Variants in NRXN3 observed in about 807,000 individuals in gnomAD.
NRXN3 encodes the protein neurexin III.
In NRXN3, 32 loss-of-function variants were observed where a neutral mutation model predicts 137.6. The ratio of observed to expected loss-of-function variants is 0.23; its 90% CI spans 0.18 to 0.31. The LOEUF (loss-of-function observed/expected upper bound fraction) is 0.31. Ranked by LOEUF, NRXN3 falls within the 10% of genes least tolerant of loss-of-function variation. The pLI, the probability that NRXN3 is intolerant of heterozygous loss-of-function variation, is 1.00. For synonymous variants in NRXN3, 798 were observed against 784.5 expected, an observed-to-expected ratio of 1.02 and a Z score of -0.29; for missense variants, 1,574 against 2,062.5, an observed-to-expected ratio of 0.76 and a Z score of 4.59.
chr14:79,199,765 G>C (rs111580021), intron 15 of NRXN3, among the ~76,000 whole-genome samples: 1 of 152,154 alleles, frequency 6.6e-6, no homozygotes, highest in South Asian at 2.1e-4. Context: ...TTGGGGCCCA[G>C]CTTGAGCAAA....
chr14:78,215,232 A>T (rs767740190), intron 1 of NRXN3, among the ~76,000 whole-genome samples: 5 of 152,084 alleles, frequency 3.3e-5, no homozygotes, highest in Non-Finnish European at 5.9e-5. Flanking sequence ...TGTAGATGAG[A>T]TCTTTTTATG....
chr14:78,852,112 T>C (rs188921795), intron 10 of NRXN3, among the ~76,000 whole-genome samples: 387 of 152,274 alleles, frequency 2.5e-3, no homozygotes, highest in Non-Finnish European at 4.3e-3. Context: ...ATGAACTATT[T>C]TAGTGAATAT....
intron 15 of NRXN3, among the ~76,000 whole-genome samples, chr14:79,306,859 G>A (rs1410169008): frequency 6.6e-6 from 1 of 152,046 alleles, no homozygotes; most frequent in Non-Finnish European, 1.5e-5. Context: ...GGGCGATTGT[G>A]GTTGATGAAC....
intron 19 of NRXN3, among the ~76,000 whole-genome samples, chr14:79,763,649 G>C (rs1176404495): frequency 3.6e-5 from 2 of 55,996 alleles, no homozygotes; most frequent in Non-Finnish European, 6.2e-5. Flanking sequence ...TGTGATGTCT[G>C]GTGAGAGCTT....
chr14:79,009,767 T>C (rs1326343496), intron 15 of NRXN3, among the ~76,000 whole-genome samples: 1 of 152,216 alleles, frequency 6.6e-6, no homozygotes, highest in Non-Finnish European at 1.5e-5. Flanking sequence ...CATTTTCTCC[T>C]CTATGAATAA....
Position 79,861,343 on chromosome 14 carries a change from T to TA in NRXN3, c.4097dup (p.Ser1367GlufsTer24), listed in dbSNP as rs755709938. 4.6e-6 allele frequency: 7 copies of TA among 1,535,940 alleles called. No individual in the cohort carries two copies. Among genetic ancestry groups the TA allele is most frequent in the Non-Finnish European group, 6.1e-6 (7 of 1,146,904 alleles). On this transcript the variant is annotated frameshift_variant and splice_region_variant, in exon 21 of 21. Coordinates refer to ENST00000335750, the MANE Select transcript of NRXN3 (RefSeq NM_001330195.2). LOFTEE classifies it high-confidence loss of function. This position sits in a 1 kb window ranked among gnomAD's most constrained non-coding sequence, Gnocchi z 5.4. ...ACACCACCTTCTCCTTGGTAACAGA[T>TA]AAGAGTCTTTCCACTTCAATCTTCG...
intron 3 of NRXN3, among the ~76,000 whole-genome samples, chr14:78,278,863 G>T (rs1353433469): frequency 6.6e-6 from 1 of 152,140 alleles, no homozygotes; most frequent in Admixed American, 6.5e-5. Context: ...AAAGGAATAT[G>T]GTTCTCATAC....
intron 15 of NRXN3, among the ~76,000 whole-genome samples, chr14:79,218,918 A>AG (rs1398243446): frequency 6.6e-6 from 1 of 151,996 alleles, no homozygotes; most frequent in Non-Finnish European, 1.5e-5. Flanking sequence ...TTATATATAA[A>AG]GGGGTAAGAG....
chr14:79,860,975 C>A, intron 20 of NRXN3: 2 of 923,324 alleles, frequency 2.2e-6, no homozygotes, highest in East Asian at 2.8e-5. Context: ...CTGTGAATGA[C>A]GTTGGTTGAG....
chr14:78,843,183 A>G (rs1473843449), intron 10 of NRXN3, among the ~76,000 whole-genome samples: 3 of 152,154 alleles, frequency 2.0e-5, no homozygotes, highest in Non-Finnish European at 4.4e-5. Flanking sequence ...GTAAGAAATT[A>G]TAAAAGTATT....
chr14:79,189,718 C>T lies in NRXN3; in HGVS notation c.3262+201577C>T, dbSNP rs1043968646. Among the ~76,000 whole-genome samples, 10 of 152,184 alleles carry T rather than the reference C, an allele frequency of 6.6e-5. No individual in the cohort carries two copies. In the East Asian group the frequency reaches 7.7e-4, roughly 12 times the overall value. On this transcript the variant is annotated intron_variant, in intron 15 of 20. Coordinates refer to ENST00000335750, the MANE Select transcript of NRXN3 (RefSeq NM_001330195.2). ...ATAGGCCTGTGAGAATAACTTTCTG[C>T]GGTGACACAGAACAGTGAAAACTGT...
At chr14:78,920,065 A>G (rs2099266916) in intron 10 of NRXN3, among the ~76,000 whole-genome samples, 1 of 152,224 alleles carries the variant, frequency 6.6e-6, no homozygotes, top group Admixed American at 6.5e-5. Flanking sequence ...CTTCTGTGGC[A>G]ACAATCAGCA....
chr14:79,808,882 T>A (rs1463701419), intron 20 of NRXN3, among the ~76,000 whole-genome samples: 1 of 152,218 alleles, frequency 6.6e-6, no homozygotes, highest in African/African-American at 2.4e-5. Flanking sequence ...CTCTCAGAAC[T>A]TACTTTTGTG....
At chr14:79,680,333 T>TA (rs1567869574) in intron 17 of NRXN3, among the ~76,000 whole-genome samples, 2 of 151,902 alleles carry the variant, frequency 1.3e-5, no homozygotes, top group East Asian at 3.9e-4. Context: ...TGCAGGGAGC[T>TA]AAGATCCTGC....
At chr14:78,581,107 A>G (rs1335234631) in intron 4 of NRXN3, among the ~76,000 whole-genome samples, 2 of 152,236 alleles carry the variant, frequency 1.3e-5, no homozygotes, top group Non-Finnish European at 2.9e-5. Flanking sequence ...TTAAAGTTAA[A>G]GAAACTGAGG....
chr14:79,807,002 G>A (rs2099210462), intron 20 of NRXN3, among the ~76,000 whole-genome samples: 1 of 95,216 alleles, frequency 1.1e-5, no homozygotes, highest in Admixed American at 1.5e-4. Flanking sequence ...TTTTGAGATA[G>A]GGTCTCACTC....
In NRXN3 at chr14:79,677,070, A is replaced by G. The variant is rs191917881; in HGVS notation, c.3616+13121A>G. Reference sequence around the variant, plus strand: ...ACAGCATCCTTGACAAGCATTAACTATAAATACTTTTATAACAAAAGAAAA... The same window carrying G: ...ACAGCATCCTTGACAAGCATTAACTGTAAATACTTTTATAACAAAAGAAAA... On this transcript the variant is annotated intron_variant, in intron 17 of 20. Coordinates refer to ENST00000335750, the MANE Select transcript of NRXN3 (RefSeq NM_001330195.2). Among the ~76,000 whole-genome samples the G allele has an allele frequency of 5.6e-4, 85 of 152,262 alleles. No individual in the cohort carries two copies. The Middle Eastern group carries it at 0.014, about 24-fold the overall frequency.
intron 15 of NRXN3, among the ~76,000 whole-genome samples, chr14:79,062,080 T>C (rs2099674941): frequency 6.6e-6 from 1 of 152,202 alleles, no homozygotes; most frequent in South Asian, 2.1e-4. Context: ...TAAATTGCTT[T>C]ATTTAGCCAC....
At chr14:78,813,124 T>C (rs1288190430) in intron 10 of NRXN3, among the ~76,000 whole-genome samples, 3 of 152,242 alleles carry the variant, frequency 2.0e-5, no homozygotes, top group Admixed American at 2.0e-4. Flanking sequence ...CAAATAAGCA[T>C]AAATCTTTAA....
Sources: gnomAD v4.1 joint callset for allele counts (sites outside exome capture counted in the v4.1 genomes callset) on GRCh38, gnomAD v4.1.1 for gene constraint, Gnocchi (gnomAD v3.1) non-coding constraint, MANE v1.5 for transcripts, NCBI Gene and HGNC (gene_info 2026-07-23, HGNC 2026-07-21) for gene names.